The following KIDINS220 variants were observed in gnomAD, a reference collection of about 807,000 sequenced individuals.
KIDINS220 encodes the protein kinase D-interacting substrate of 220 kDa.
KIDINS220 carries 63 observed loss-of-function variants against 157.6 expected under a neutral mutation model. The ratio of observed to expected loss-of-function variants is 0.40; its 90% CI spans 0.33 to 0.49. The LOEUF (loss-of-function observed/expected upper bound fraction) is 0.49. Among genes scored for constraint, KIDINS220 ranks in the 20% least tolerant of loss-of-function variants. The pLI is 0.66. For synonymous variants in KIDINS220, 732 were observed against 783.6 expected (o/e 0.93, Z 1.10); for missense variants, 1,772 against 2,171.2 (o/e 0.82, Z 3.65).
intron 26 of KIDINS220, among the ~76,000 whole-genome samples, chr2:8,739,069 GA>G (rs1665274848): frequency 6.6e-6 from 1 of 152,146 alleles, no homozygotes; most frequent in Non-Finnish European, 1.5e-5. Context: ...ATACTGAGGA[GA>G]ATTTTATGTC....
intron 23 of KIDINS220, 117 bp from the exon 24 acceptor site, chr2:8,750,452 C>T (rs914405684): frequency 1.5e-5 from 9 of 606,904 alleles, no homozygotes; most frequent in Non-Finnish European, 2.0e-5. Flanking sequence ...ACTCTTGCCA[C>T]GGATTCCAAC....
intron 7 of KIDINS220, among the ~76,000 whole-genome samples, chr2:8,803,488 T>C (rs1675013439): frequency 6.6e-6 from 1 of 152,088 alleles, no homozygotes; most frequent in African/African-American, 2.4e-5. Context: ...TGTGTTTATA[T>C]ATAAACACAT....
At chr2:8,794,801 A>G (rs1426310077) in intron 11 of KIDINS220, among the ~76,000 whole-genome samples, 1 of 152,124 alleles carries the variant, frequency 6.6e-6, no homozygotes, top group Admixed American at 6.5e-5. Flanking sequence ...ACTGATCTCC[A>G]GGACACTAAA....
Position 8,813,234 on chromosome 2 carries a change from T to G in KIDINS220, c.405+3A>C. 5 of 1,608,782 alleles carry G rather than the reference T, an allele frequency of 3.1e-6. No individual in the cohort carries two copies. Among genetic ancestry groups the G allele is most frequent in the Non-Finnish European group, 4.2e-6 (5 of 1,177,466 alleles). ...ACAAACAAATTTTTTTGTTAATGCT[T>G]ACCAGACCAGTGACACTTGGATTGG... On this transcript the variant is annotated splice_donor_region_variant and intron_variant, in intron 5 of 29. Coordinates refer to ENST00000256707, the MANE Select transcript of KIDINS220 (RefSeq NM_020738.4).
At chr2:8,722,656 G>T (rs527402800), downstream of KIDINS220, 15 of 152,186 alleles carry the variant, frequency 9.9e-5, 1 homozygote, top group East Asian at 2.1e-3. Context: ...GCAGATTCTG[G>T]GTGGGTTTGA....
chr2:8,793,709 G>T, intron 12 of KIDINS220, 101 bp downstream of exon 12: 1 of 1,106,376 alleles, frequency 9.0e-7, no homozygotes, highest in East Asian at 2.6e-5. Context: ...CAAGTGCTGG[G>T]ATTACAGGCA....
chr2:8,791,237 C>T lies in KIDINS220; in HGVS notation c.1277-13G>A. The T allele has an allele frequency of 3.1e-6, 5 of 1,604,742 alleles. No individual in the cohort carries two copies. Among genetic ancestry groups the T allele is most frequent in the Non-Finnish European group, 4.3e-6 (5 of 1,172,798 alleles). ...GGAGACAAGTGTCCTGTAATTAAAA[C>T]ACATCATATCTTACATTAAACAGTG... On this transcript the variant is annotated splice_polypyrimidine_tract_variant and intron_variant, in intron 12 of 29. Coordinates refer to ENST00000256707, the MANE Select transcript of KIDINS220 (RefSeq NM_020738.4).
At position 8,751,475 on chromosome 2, in the gene KIDINS220, T is replaced by C. The variant is rs1392516900; in HGVS notation, c.3181A>G (p.Ile1061Val). ...TVNLDPKLRE[I>V]IADVRAAREQ... is the part of the protein sequence containing the mutation. ...TACTACTAATACCCACCTGCAATAA[T>C]TTCCCGTAGTTTGGGATCTAGGTTT... The change falls in exon 23 of 30, where the codon ATT (isoleucine) becomes GTT (valine). Residue 1061 changes from isoleucine (I) to valine (V), a missense_variant. Coordinates refer to ENST00000256707, the MANE Select transcript of KIDINS220 (RefSeq NM_020738.4). The C allele has an allele frequency of 1.9e-6, 3 of 1,604,160 alleles. No individual in the cohort carries two copies. Among genetic ancestry groups the C allele is most frequent in the Non-Finnish European group, 2.5e-6 (3 of 1,177,582 alleles).
At chr2:8,770,099 A>C (rs1669985362) in intron 22 of KIDINS220, among the ~76,000 whole-genome samples, 1 of 152,182 alleles carries the variant, frequency 6.6e-6, no homozygotes, top group African/African-American at 2.4e-5. Flanking sequence ...AAATCTTAGA[A>C]GTGTATATAA....
At chr2:8,826,854 C>T (rs1377868620) in intron 2 of KIDINS220, 132 bp downstream of exon 2, 19 of 413,086 alleles carry the variant, frequency 4.6e-5, no homozygotes, top group Non-Finnish European at 4.3e-6. Flanking sequence ...AACTATAAGA[C>T]ATTCTATCAT....
At chr2:8,784,918 T>G (rs1672188869) in intron 17 of KIDINS220, among the ~76,000 whole-genome samples, 1 of 152,238 alleles carries the variant, frequency 6.6e-6, no homozygotes, top group Admixed American at 6.5e-5. Flanking sequence ...AAAGGAGTTT[T>G]CAAATCCTTT....
intron 1 of KIDINS220, among the ~76,000 whole-genome samples, chr2:8,831,263 A>C (rs1679575431): frequency 6.6e-6 from 1 of 152,144 alleles, no homozygotes; most frequent in Non-Finnish European, 1.5e-5. Context: ...CAGATTCTTC[A>C]CAATCTGGCC....
At chr2:8,784,154 G>A (rs1358158688) in intron 17 of KIDINS220, among the ~76,000 whole-genome samples, 1 of 151,154 alleles carries the variant, frequency 6.6e-6, no homozygotes, top group East Asian at 1.9e-4. Context: ...GCAAGAAATA[G>A]CGTTTTTAAC....
chr2:8,778,844 G>A, intron 19 of KIDINS220, 52 bp downstream of exon 19: 1 of 1,606,324 alleles, frequency 6.2e-7, no homozygotes, highest in Non-Finnish European at 8.5e-7. Context: ...TCGCCATAAA[G>A]AAACTACAAA....
chr2:8,746,779 A>G, intron 26 of KIDINS220: 1 of 194,432 alleles, frequency 5.1e-6, no homozygotes, highest in South Asian at 1.3e-4. Context: ...CATGTGTAAT[A>G]GCAACCACAG....
chr2:8,790,319 T>C (rs1011890150), intron 13 of KIDINS220, among the ~76,000 whole-genome samples: 2 of 152,174 alleles, frequency 1.3e-5, no homozygotes, highest in African/African-American at 4.8e-5. Flanking sequence ...CCTTCTCATA[T>C]ACTCCCATCT....
At position 8,812,435 on chromosome 2, in the gene KIDINS220, A is replaced by G; in HGVS notation, c.464T>C (p.Leu155Pro). The change falls in exon 6 of 30, where the codon CTT becomes CCT. Residue 155 changes from leucine to proline, a missense_variant. Physicochemically the swap from Leu to Pro is moderately conservative, Grantham distance 98. Around this residue, in one of 3 missense-constraint regions of KIDINS220, gnomAD observed 254 missense variants for 268.6 expected, o/e 0.95. Coordinates refer to ENST00000256707, the MANE Select transcript of KIDINS220 (RefSeq NM_020738.4). ...GACTTTAGCACCATTTTGCAGTAAA[A>G]GATGAACTATATCTGCATGGCCTCT... Reference protein sequence around the residue: ...AGRGHADIVHLLLQNGAKVNC... With the variant: ...AGRGHADIVHPLLQNGAKVNC... 1 of 1,599,454 alleles carries G rather than the reference A, an allele frequency of 6.3e-7. No homozygotes were observed. The highest frequency in any genetic ancestry group is 8.5e-7 in the Non-Finnish European group (1 of 1,172,746).
chr2:8,776,822 A>G lies in KIDINS220; in HGVS notation c.2774T>C (p.Leu925Pro). 1 of 1,614,134 alleles carries G rather than the reference A, an allele frequency of 6.2e-7. No individual in the cohort carries two copies. Among genetic ancestry groups the G allele is most frequent in the Non-Finnish European group, 8.5e-7 (1 of 1,179,986 alleles). Residue 925 changes from leucine (L) to proline (P), a missense_variant, in exon 21 of 30, where the codon CTG becomes CCG. Transcript: ENST00000256707. ...RQMSFDLTKL[L>P]VTEDWFSDIS... ...GTCACTGAACCAGTCCTCGGTAACC[A>G]GCAGTTTTGTAAGATCAAAGGACAT...
chr2:8,835,156 A>C (rs1359398171), intron 1 of KIDINS220, among the ~76,000 whole-genome samples: 1 of 152,158 alleles, frequency 6.6e-6, no homozygotes, highest in Non-Finnish European at 1.5e-5. Context: ...GCCTTGAACT[A>C]ATTTATTAAG....
Sources: gnomAD v4.1 joint callset for allele counts (sites outside exome capture counted in the v4.1 genomes callset) on GRCh38, gnomAD v4.1.1 for gene constraint, gnomAD v4.1.1 regional missense constraint, MANE v1.5 for transcripts, NCBI Gene and HGNC (gene_info 2026-07-23, HGNC 2026-07-21) for gene names.